The following CFAP46 variants were observed in gnomAD, a reference collection of about 807,000 sequenced individuals.
The protein encoded by CFAP46 is cilia and flagella associated protein 46, also known as cilia- and flagella-associated protein 46.
A neutral mutation model predicts 325.7 loss-of-function variants in CFAP46; 245 were observed. That is an observed-to-expected ratio of 0.75 (90% confidence interval 0.68 to 0.84). CFAP46 has a LOEUF of 0.84. Ranked by LOEUF, CFAP46 falls within the 40% of genes least tolerant of loss-of-function variation. The probability of loss-of-function intolerance (pLI) is 0.00; values close to 1 mark genes in which losing one functional copy is unlikely to be tolerated. For synonymous variants in CFAP46, 1,523 were observed against 1,495.9 expected (o/e 1.02, Z -0.42); for missense variants, 3,346 against 3,543.0 (o/e 0.94, Z 1.41).
At chr10:132,833,644 G>C in intron 49 of CFAP46, 119 bp from the exon 50 acceptor site, 2 of 1,025,916 alleles carry the variant, frequency 1.9e-6, no homozygotes. Context: ...AGCCCGCCTT[G>C]ACTCCATGCC....
intron 56 of CFAP46, 171 bp from the exon 57 acceptor site, chr10:132,810,660 C>G (rs1201120153): frequency 1.3e-6 from 1 of 745,954 alleles, no homozygotes; most frequent in African/African-American, 1.7e-5. Context: ...ATGCTCTTGA[C>G]GCCCACCAGG....
Position 132,847,452 on chromosome 10 carries a change from A to ATGCTGTGGCCTG in CFAP46, c.5953-132_5953-131insCAGGCCACAGCA. ...CCCCGGGTAGGGGGTACCGCAGGCC[A>ATGCTGTGGCCTG]CAGCATGGCCTCTCACTATCCCAAA... On this transcript the variant is annotated intron_variant, in intron 41 of 57. Transcript: ENST00000368586. This position sits in a 1 kb window ranked among gnomAD's most constrained non-coding sequence, Gnocchi z 5.2. 1 of 1,046,970 alleles carries ATGCTGTGGCCTG rather than the reference A, an allele frequency of 9.6e-7. No individual in the cohort carries two copies. Among genetic ancestry groups the ATGCTGTGGCCTG allele is most frequent in the Non-Finnish European group, 1.4e-6 (1 of 705,228 alleles). 64.9% of individuals were successfully genotyped at this position (1,046,970 alleles called of 1,614,324 possible).
intron 39 of CFAP46, 29 bp downstream of exon 39, chr10:132,857,561 T>A: frequency 2.5e-6 from 4 of 1,603,826 alleles, no homozygotes; most frequent in Non-Finnish European, 3.4e-6. Context: ...AGTGACCCAG[T>A]GTGCACAGGA....
Position 132,889,652 on chromosome 10 carries a change from G to A in CFAP46, c.3304+2681C>T, listed in dbSNP as rs551494380. Among the ~76,000 whole-genome samples the A allele has an allele frequency of 3.5e-4, 53 of 152,338 alleles. No homozygotes were observed. The highest frequency in any genetic ancestry group is 1.2e-3 in the Admixed American group (19 of 15,304). ...CACAGCCATGTCCTGGGACCACCCA[G>A]TACACATCCAATTCACGGGCGGAGG... On this transcript the variant is annotated intron_variant, in intron 25 of 57. Coordinates refer to ENST00000368586, the MANE Select transcript of CFAP46 (RefSeq NM_001200049.3). The surrounding 1 kb of genome is among the most constrained non-coding windows in gnomAD (Gnocchi z 6.0).
At chr10:132,821,743 G>A (rs1475308160) in intron 50 of CFAP46, among the ~76,000 whole-genome samples, 126 of 122,452 alleles carry the variant, frequency 1.0e-3, no homozygotes, top group South Asian at 4.9e-3. Context: ...CTGTGTGTGC[G>A]CTGATGTGTG....
At chr10:132,934,685 T>C (rs1222734383) in intron 8 of CFAP46, 67 bp downstream of exon 8, 1 of 1,118,198 alleles carries the variant, frequency 8.9e-7, no homozygotes, top group Non-Finnish European at 1.3e-6. Flanking sequence ...TTTCACATTT[T>C]TCAGTGCCTG....
chr10:132,875,130 C>CA (rs1256265575), intron 31 of CFAP46, among the ~76,000 whole-genome samples: 2 of 151,896 alleles, frequency 1.3e-5, no homozygotes, highest in East Asian at 3.9e-4. Context: ...AAACATGAAA[C>CA]AAAAAAGCTA....
At chr10:132,873,406 A>C (rs1848920540) in intron 31 of CFAP46, among the ~76,000 whole-genome samples, 1 of 152,106 alleles carries the variant, frequency 6.6e-6, no homozygotes, top group Non-Finnish European at 1.5e-5. Context: ...GCTATCAGGC[A>C]CTGAGGCATC....
Position 132,877,959 on chromosome 10 carries a change from A to ACGCCT in CFAP46, c.4133_4134insAGGCG (p.Ser1378ArgfsTer44). On this transcript the variant is annotated frameshift_variant, in exon 30 of 58. Coordinates refer to ENST00000368586, the MANE Select transcript of CFAP46 (RefSeq NM_001200049.3). LOFTEE classifies it high-confidence loss of function. This position sits in a 1 kb window ranked among gnomAD's most constrained non-coding sequence, Gnocchi z 5.7. ...TACTCCTCTCATTCTCCTTCTCTTT[A>ACGCCT]CTCCTCTCCTTCTCCTTCTCTTTAC... 1 of 1,543,592 alleles carries ACGCCT rather than the reference A, an allele frequency of 6.5e-7. No individual in the cohort carries two copies. The highest frequency in any genetic ancestry group is 2.5e-5 in the East Asian group (1 of 40,624).
chr10:132,877,795 C>T lies in CFAP46; in HGVS notation c.4212+86G>A, dbSNP rs538499532. ...GCCTCTGCACTGAGGCCGCCTGGGG[C>T]TCCTCCGAGAACCCTGACAGGCAGG... On this transcript the variant is annotated intron_variant, in intron 30 of 57. Coordinates refer to ENST00000368586, the MANE Select transcript of CFAP46 (RefSeq NM_001200049.3). This position sits in a 1 kb window ranked among gnomAD's most constrained non-coding sequence, Gnocchi z 5.7. 7.0e-7 allele frequency: 1 copy of T among 1,436,018 alleles called. No individual in the cohort carries two copies. The highest frequency in any genetic ancestry group is 1.4e-5 in the African/African-American group (1 of 70,070). The allele number at this position is 1,436,018 out of a possible 1,614,324, so 89.0% of individuals were successfully genotyped here.
chr10:132,853,404 T>C (rs1848591618), intron 39 of CFAP46, among the ~76,000 whole-genome samples: 6 of 152,256 alleles, frequency 3.9e-5, no homozygotes, highest in Admixed American at 3.9e-4. Context: ...TTATGATGTA[T>C]TATCCTTTTT....
intron 24 of CFAP46, among the ~76,000 whole-genome samples, chr10:132,892,674 T>G (rs143017069): frequency 6.6e-6 from 1 of 152,350 alleles, no homozygotes; most frequent in East Asian, 1.9e-4. Flanking sequence ...GAACTGCCTC[T>G]TAATTCCCTT....
chr10:132,933,849 C>G (rs1048920787), intron 8 of CFAP46, among the ~76,000 whole-genome samples: 6 of 152,240 alleles, frequency 3.9e-5, no homozygotes, highest in Non-Finnish European at 8.8e-5. Context: ...CTTGGGGGAC[C>G]CCTTCCCCAG....
At chr10:132,868,556 G>C (rs188713734) in intron 33 of CFAP46, among the ~76,000 whole-genome samples, 1 of 152,360 alleles carries the variant, frequency 6.6e-6, no homozygotes, top group East Asian at 1.9e-4. Flanking sequence ...AAAGGGTATA[G>C]AGAGCTTAAT....
At chr10:132,929,267 G>C in intron 9 of CFAP46, 1 of 582,758 alleles carries the variant, frequency 1.7e-6, no homozygotes, top group Admixed American at 3.1e-5. Flanking sequence ...TGATGTGGCT[G>C]TGGCCTCTCC....
intron 17 of CFAP46, 123 bp from the exon 18 acceptor site, chr10:132,913,381 G>GCC: frequency 2.3e-5 from 8 of 350,508 alleles, no homozygotes; most frequent in Non-Finnish European, 4.0e-5. Context: ...GGGCGGGTGG[G>GCC]CGGCGACCAA....
chr10:132,872,866 G>C (rs962664932), intron 31 of CFAP46, 42 bp from the exon 32 acceptor site: 1 of 1,548,488 alleles, frequency 6.5e-7, no homozygotes, highest in African/African-American at 1.4e-5. Flanking sequence ...ACAGGAGCGG[G>C]TGTAGACCAC....
intron 50 of CFAP46, among the ~76,000 whole-genome samples, chr10:132,824,678 C>G (rs1847997132): frequency 2.4e-5 from 2 of 82,526 alleles, no homozygotes; most frequent in Admixed American, 1.7e-4. Context: ...GTGCTGTGTG[C>G]TGATGTGTGC....
Position 132,885,836 on chromosome 10 carries a change from C to T in CFAP46, c.3428G>A (p.Arg1143Lys). The T allele has an allele frequency of 6.5e-7, 1 of 1,549,584 alleles. No individual in the cohort carries two copies. The highest frequency in any genetic ancestry group is 8.7e-7 in the Non-Finnish European group (1 of 1,146,752). Residue 1143 changes from arginine to lysine, a missense_variant, in exon 26 of 58, where the codon AGG (arginine) becomes AAG (lysine). Arg to Lys is a conservative substitution (Grantham distance 26). Transcript: ENST00000368586. ...VLDEAVQVLP[R>K]TAHRLLIFKH... is the part of the protein sequence containing the mutation. ...GAGCACTCACAGGCGGTGGGCCGTC[C>T]TTGGCAGCACCTGCACAGCCTCGTC...
Sources: allele counts gnomAD v4.1 joint callset (sites outside exome capture counted in the v4.1 genomes callset), GRCh38; gene constraint gnomAD v4.1.1; non-coding constraint Gnocchi (gnomAD v3.1); transcripts MANE v1.5; gene names NCBI Gene and HGNC (gene_info 2026-07-23, HGNC 2026-07-21).